Variants in PCDHGA6 observed in about 807,000 individuals in gnomAD.
The protein encoded by PCDHGA6 is protocadherin gamma subfamily A, 6.
PCDHGA6 carries 41 observed loss-of-function variants against 60.6 expected under a neutral mutation model. The observed-to-expected ratio is 0.68, with a 90% confidence interval of 0.53 to 0.88. The LOEUF is 0.88. PCDHGA6 is among the 40% of genes least tolerant of loss of function. The pLI, the probability that PCDHGA6 is intolerant of heterozygous loss-of-function variation, is 0.00. For synonymous variants in PCDHGA6, 594 were observed against 524.4 expected (o/e 1.13, Z -1.81); for missense variants, 1,312 against 1,203.0 (o/e 1.09, Z -1.34).
At chr5:141,423,821 C>A (rs2096784513) in intron 1 of PCDHGA6, 1 of 1,272,728 alleles carries the variant, frequency 7.9e-7, no homozygotes, top group Admixed American at 3.9e-5. Context: ...TTTACTTTGC[C>A]TTTCATGAGA....
chr5:141,409,990 C>T (rs377295503), intron 1 of PCDHGA6: 1 of 1,613,160 alleles, frequency 6.2e-7, no homozygotes, highest in Non-Finnish European at 8.5e-7. Flanking sequence ...CGGTGGACGC[C>T]GACTCGGGAC....
At chr5:141,415,071 G>A (rs757356726) in intron 1 of PCDHGA6, 21 of 1,613,422 alleles carry the variant, frequency 1.3e-5, no homozygotes, top group East Asian at 2.2e-5. Flanking sequence ...AGGTGCGCAC[G>A]GCGCGAGCCC....
rs1770042713 is a variant in PCDHGA6 at position 141,374,037 on chromosome 5, C to G, written c.-47C>G. On this transcript the variant is annotated 5_prime_UTR_variant, in exon 1 of 4. In the 5' UTR this introduces an upstream ATG that the reference lacks. Coordinates refer to ENST00000517434, the MANE Select transcript of PCDHGA6 (RefSeq NM_018919.3). The stretch of plus-strand genomic sequence containing the variant: ...TGAGAAGAGCAAAAGTGATGCAGAT[C>G]TGTTCTTCCTCTTCTTAATCCCAGA... 8 of 1,446,082 alleles carry G rather than the reference C, an allele frequency of 5.5e-6. No homozygotes were observed. Among genetic ancestry groups the G allele is most frequent in the Non-Finnish European group, 7.3e-6 (8 of 1,096,010 alleles). 89.6% of individuals were successfully genotyped at this position (1,446,082 alleles called of 1,614,324 possible).
At chr5:141,466,279 T>A (rs1386803685) in intron 1 of PCDHGA6, among the ~76,000 whole-genome samples, 1 of 152,144 alleles carries the variant, frequency 6.6e-6, no homozygotes, top group Non-Finnish European at 1.5e-5. Flanking sequence ...CAAGCAATCT[T>A]CCCACCTCAG....
At position 141,431,418 on chromosome 5, in the gene PCDHGA6, C is replaced by G. The variant is rs571505529; in HGVS notation, c.2424+54911C>G. On this transcript the variant is annotated intron_variant, in intron 1 of 3. Transcript: ENST00000517434. The surrounding 1 kb of genome is among the most constrained non-coding windows in gnomAD (Gnocchi z 4.8). ...CTTACGGCCTCCGACGGGGGCGACC[C>G]GGTGCGCACAGGCACCGCGCGCATC... is the stretch of plus-strand genomic sequence containing the variant. 6.8e-6 allele frequency: 11 copies of G among 1,613,588 alleles called. No homozygotes were observed. In the South Asian group the frequency reaches 1.1e-4, roughly 16 times the overall value.
Position 141,485,152 on chromosome 5 carries a change from A to C in PCDHGA6, c.2425-9655A>C. ...CTTCATCCGCGTCTCAGGAGCAAGT[A>C]GAGAATTAGCGGGCGGCAGCAATGC... On this transcript the variant is annotated intron_variant, in intron 1 of 3. Coordinates refer to ENST00000517434, the MANE Select transcript of PCDHGA6 (RefSeq NM_018919.3). The surrounding 1 kb of genome is among the most constrained non-coding windows in gnomAD (Gnocchi z 5.7). 8.8e-6 allele frequency: 14 copies of C among 1,586,038 alleles called. No individual in the cohort carries two copies. The highest frequency in any genetic ancestry group is 1.0e-5 in the Non-Finnish European group (12 of 1,157,128).
At chr5:141,405,450 T>G in intron 1 of PCDHGA6, 7 of 1,286,684 alleles carry the variant, frequency 5.4e-6, no homozygotes, top group South Asian at 1.4e-5. Flanking sequence ...GACAGAGTCT[T>G]ACTCTGTTAC....
At position 141,394,666 on chromosome 5, in the gene PCDHGA6, C is replaced by T. The variant is rs1175831509; in HGVS notation, c.2424+18159C>T. 1.2e-6 allele frequency: 2 copies of T among 1,613,190 alleles called. No homozygotes were observed. ...AAGGCCAGCGAGCCGGGACTCTTCT[C>T]GGTGGGTCTGCACACGGGCGAGGTG... On this transcript the variant is annotated intron_variant, in intron 1 of 3. Transcript: ENST00000517434.
In PCDHGA6 at chr5:141,482,326, GAAT is replaced by G. The variant is rs1344469521; in HGVS notation, c.2425-12479_2425-12477del. Among the ~76,000 whole-genome samples, 3 of 152,072 alleles carry G rather than the reference GAAT, an allele frequency of 2.0e-5. No homozygotes were observed. The East Asian group carries it at 5.8e-4, about 29-fold the overall frequency. ...AGTTTCCTCATCTATAAAATAAAGAGAATATCTACTTTGCAAACTTGTTGTGAG... is the reference window on the plus strand; with the variant it reads ...AGTTTCCTCATCTATAAAATAAAGAGATCTACTTTGCAAACTTGTTGTGAG... On this transcript the variant is annotated intron_variant, in intron 1 of 3. Transcript: ENST00000517434.
At position 141,487,444 on chromosome 5, in the gene PCDHGA6, T is replaced by G; in HGVS notation, c.2425-7363T>G. 1 of 1,614,194 alleles carries G rather than the reference T, an allele frequency of 6.2e-7. No individual in the cohort carries two copies. The highest frequency in any genetic ancestry group is 8.5e-7 in the Non-Finnish European group (1 of 1,180,040). ...TCCTCCGAATCCAGCTAGGGTCAGA[T>G]GACCCTATCAAGTTTGTTGATGTGG... On this transcript the variant is annotated intron_variant, in intron 1 of 3. Transcript: ENST00000517434. This position sits in a 1 kb window ranked among gnomAD's most constrained non-coding sequence, Gnocchi z 5.0.
chr5:141,414,792 C>T (rs2095788725), intron 1 of PCDHGA6: 6 of 1,614,230 alleles, frequency 3.7e-6, no homozygotes, highest in African/African-American at 2.7e-5. Flanking sequence ...TGACAGCCAG[C>T]GACAGCGGGG....
At chr5:141,421,892 T>C in intron 1 of PCDHGA6, 1 of 1,613,684 alleles carries the variant, frequency 6.2e-7, no homozygotes, top group Non-Finnish European at 8.5e-7. Context: ...GGCGATCCCA[T>C]CCGAAAGGGC....
chr5:141,394,022 A>G (rs1210359800), intron 1 of PCDHGA6: 1 of 1,613,552 alleles, frequency 6.2e-7, no homozygotes, highest in South Asian at 1.1e-5. Flanking sequence ...ATTATTATAG[A>G]TTAGTGACAA....
At chr5:141,492,933 A>G (rs935580560) in intron 1 of PCDHGA6, among the ~76,000 whole-genome samples, 3 of 152,194 alleles carry the variant, frequency 2.0e-5, no homozygotes, top group Admixed American at 6.5e-5. Flanking sequence ...CTAGGGTCAG[A>G]GATTTGGAGG....
chr5:141,457,193 A>G (rs2154565853), intron 1 of PCDHGA6, among the ~76,000 whole-genome samples: 1 of 152,356 alleles, frequency 6.6e-6, no homozygotes, highest in African/African-American at 2.4e-5. Flanking sequence ...GAGTGAGGAA[A>G]GCAGTTCCCA....
In PCDHGA6 at chr5:141,487,568, C is replaced by T. The variant is rs752378906; in HGVS notation, c.2425-7239C>T. Reference sequence around the variant, plus strand: ...ACCCAGTGCACCTATGGCAGGGGAGCCTGTTCGCCCAAGCTGCCCACCCTC... The same window carrying T: ...ACCCAGTGCACCTATGGCAGGGGAGTCTGTTCGCCCAAGCTGCCCACCCTC... On this transcript the variant is annotated intron_variant, in intron 1 of 3. Transcript: ENST00000517434. This position sits in a 1 kb window ranked among gnomAD's most constrained non-coding sequence, Gnocchi z 5.0. The T allele has an allele frequency of 1.2e-6, 2 of 1,614,180 alleles. No individual in the cohort carries two copies. The highest frequency in any genetic ancestry group is 1.7e-6 in the Non-Finnish European group (2 of 1,180,042).
chr5:141,481,261 C>T lies in PCDHGA6; in HGVS notation c.2425-13546C>T, dbSNP rs2099534823. ...TACATAGCATAGCTCTAAAAGATCA[C>T]TGTAGGAAGACATAAAATGGTATTT... On this transcript the variant is annotated intron_variant, in intron 1 of 3. Coordinates refer to ENST00000517434, the MANE Select transcript of PCDHGA6 (RefSeq NM_018919.3). Among the ~76,000 whole-genome samples, 3 of 152,252 alleles carry T rather than the reference C, an allele frequency of 2.0e-5. No individual in the cohort carries two copies. The East Asian group carries it at 5.8e-4, about 29-fold the overall frequency.
chr5:141,393,088 G>C (rs760420305), intron 1 of PCDHGA6: 4 of 1,613,648 alleles, frequency 2.5e-6, no homozygotes, highest in South Asian at 1.1e-5. Context: ...AGGATAGATC[G>C]GGAGGAGCTC....
In PCDHGA6 at chr5:141,376,334, C is replaced by A. The variant is rs11575955; in HGVS notation, c.2251C>A (p.Gln751Lys). The change falls in exon 1 of 4, where the codon CAG becomes AAG. Residue 751 changes from glutamine to lysine, a missense_variant. Physicochemically the swap from Gln to Lys is moderately conservative, Grantham distance 53 (BLOSUM62 1). Transcript: ENST00000517434. ...CGTGGAAGGGGTTCGGGCTTTCCTG[C>A]AGACCTATTCCCACGAGGTCTCACT... ...VGVEGVRAFL[Q>K]TYSHEVSLTA... is the part of the protein sequence containing the mutation. The A allele has an allele frequency of 0.013, 21,352 of 1,614,178 alleles. 167 individuals are homozygous for A. Among genetic ancestry groups the A allele is most frequent in the Non-Finnish European group, 0.016 (19,018 of 1,180,026 alleles).
Sources: allele counts gnomAD v4.1 joint callset (sites outside exome capture counted in the v4.1 genomes callset), GRCh38; gene constraint gnomAD v4.1.1; non-coding constraint Gnocchi (gnomAD v3.1); transcripts MANE v1.5; gene names NCBI Gene and HGNC (gene_info 2026-07-23, HGNC 2026-07-21).